CNTNAP2: variants seen among roughly 807,000 people sequenced by gnomAD.
CNTNAP2 encodes the protein contactin associated protein 2.
CNTNAP2 carries 98 observed loss-of-function variants against 155.2 expected under a neutral mutation model. That is an observed-to-expected ratio of 0.63 (90% CI 0.54 to 0.75). The LOEUF (loss-of-function observed/expected upper bound fraction) is 0.75, where lower values mean the gene tolerates loss of function less well. Among genes scored for constraint, CNTNAP2 ranks in the 30% least tolerant of loss-of-function variants. The pLI is 0.00. For synonymous variants in CNTNAP2, 651 were observed against 631.2 expected (o/e 1.03, Z -0.47); for missense variants, 1,727 against 1,688.1 (o/e 1.02, Z -0.40).
chr7:147,850,494 T>C (rs1436365436), intron 13 of CNTNAP2, among the ~76,000 whole-genome samples: 1 of 152,176 alleles, frequency 6.6e-6, no homozygotes, highest in South Asian at 2.1e-4. Context: ...GCTGGAGGCA[T>C]CACACTACCT....
chr7:147,225,934 AGAAG>A (rs1370706692), intron 8 of CNTNAP2, among the ~76,000 whole-genome samples: 4 of 129,258 alleles, frequency 3.1e-5, no homozygotes, highest in African/African-American at 1.1e-4. Flanking sequence ...AAGGAAGGAA[AGAAG>A]GAAGGAAAGG....
At chr7:148,363,089 C>A (rs1345956178) in intron 21 of CNTNAP2, among the ~76,000 whole-genome samples, 1 of 152,206 alleles carries the variant, frequency 6.6e-6, no homozygotes, top group Non-Finnish European at 1.5e-5. Context: ...TCAAGCGATT[C>A]TCCTGCCTCA....
chr7:147,902,798 G>GTA (rs1246701244), intron 13 of CNTNAP2, among the ~76,000 whole-genome samples: 11 of 132,850 alleles, frequency 8.3e-5, no homozygotes, highest in African/African-American at 3.0e-4. Flanking sequence ...GTGTGTGTGT[G>GTA]TGTGTGTGTG....
chr7:147,732,136 C>A (rs111961567), intron 13 of CNTNAP2, among the ~76,000 whole-genome samples: 61 of 151,724 alleles, frequency 4.0e-4, no homozygotes, highest in Non-Finnish European at 1.2e-4. Flanking sequence ...GTGCTGCACC[C>A]GTTAACTGGT....
intron 13 of CNTNAP2, among the ~76,000 whole-genome samples, chr7:147,899,331 C>A (rs574797882): frequency 6.6e-6 from 1 of 152,118 alleles, no homozygotes; most frequent in Admixed American, 6.6e-5. Flanking sequence ...CAGAGTGAGA[C>A]CCTGTCTTAA....
At chr7:146,724,096 A>G (rs1801386767) in intron 1 of CNTNAP2, among the ~76,000 whole-genome samples, 1 of 152,188 alleles carries the variant, frequency 6.6e-6, no homozygotes, top group Non-Finnish European at 1.5e-5. Context: ...TGAAAGTCAT[A>G]TGCAAGATAT....
chr7:148,228,781 T>A (rs888426305), intron 19 of CNTNAP2, among the ~76,000 whole-genome samples: 1 of 140,230 alleles, frequency 7.1e-6, no homozygotes, highest in African/African-American at 2.6e-5. Flanking sequence ...TGAGCCGAGA[T>A]CGCGCCACTG....
intron 15 of CNTNAP2, among the ~76,000 whole-genome samples, chr7:148,021,281 G>A (rs912360398): frequency 2.0e-5 from 3 of 152,114 alleles, no homozygotes; most frequent in Admixed American, 6.6e-5. Flanking sequence ...TGTCGGCCAC[G>A]TATTAGGGAC....
chr7:148,060,462 C>A (rs1047516256), intron 15 of CNTNAP2, among the ~76,000 whole-genome samples: 3 of 152,096 alleles, frequency 2.0e-5, no homozygotes, highest in Non-Finnish European at 4.4e-5. Context: ...TAAAATGGAA[C>A]ATTTTGCAAG....
chr7:146,435,651 G>T (rs1796233066), intron 1 of CNTNAP2, among the ~76,000 whole-genome samples: 1 of 152,140 alleles, frequency 6.6e-6, no homozygotes, highest in Admixed American at 6.5e-5. Flanking sequence ...ATATTATATA[G>T]GCACTTAGTA....
chr7:148,211,060 A>G (rs889924561), intron 18 of CNTNAP2, among the ~76,000 whole-genome samples: 12 of 152,240 alleles, frequency 7.9e-5, no homozygotes, highest in African/African-American at 2.2e-4. Context: ...GATGATGTCC[A>G]AGGTCCCCGG....
intron 17 of CNTNAP2, among the ~76,000 whole-genome samples, chr7:148,169,970 A>AT (rs1805748027): frequency 6.6e-6 from 1 of 152,022 alleles, no homozygotes; most frequent in South Asian, 2.1e-4. Flanking sequence ...AAAAAAAAAA[A>AT]GTTTCATGAT....
At chr7:148,185,529 C>T (rs1795103441) in intron 18 of CNTNAP2, among the ~76,000 whole-genome samples, 1 of 152,210 alleles carries the variant, frequency 6.6e-6, no homozygotes, top group African/African-American at 2.4e-5. Flanking sequence ...GCATCCTCTG[C>T]CCCGTTACCA....
rs191944283 is a variant in CNTNAP2, at chr7:147,511,387, T to C, written c.1777+25346T>C. ...TTCCACTATTTAATTCTTCATTTCT[T>C]TAAACAAGTTTTTTTCTTCCTCAAG... On this transcript the variant is annotated intron_variant, in intron 11 of 23. Coordinates refer to ENST00000361727, the MANE Select transcript of CNTNAP2 (RefSeq NM_014141.6). Among the ~76,000 whole-genome samples, 628 of 152,244 alleles carry C rather than the reference T, an allele frequency of 4.1e-3. 15 individuals carry two copies. The highest frequency in any genetic ancestry group is 0.036 in the Admixed American group (550 of 15,284).
intron 12 of CNTNAP2, among the ~76,000 whole-genome samples, chr7:147,589,469 C>T (rs988780275): frequency 2.0e-5 from 3 of 152,166 alleles, no homozygotes; most frequent in African/African-American, 7.2e-5. Flanking sequence ...TTCTCATTCC[C>T]CTTTCCTTCT....
intron 1 of CNTNAP2, among the ~76,000 whole-genome samples, chr7:146,457,152 T>C (rs1164442297): frequency 2.0e-5 from 3 of 152,050 alleles, no homozygotes; most frequent in Non-Finnish European, 4.4e-5. Flanking sequence ...CTAAATGCAA[T>C]GTCAAGTGGT....
chr7:148,331,741 A>G (rs1798025235), intron 21 of CNTNAP2, among the ~76,000 whole-genome samples: 1 of 150,818 alleles, frequency 6.6e-6, no homozygotes, highest in East Asian at 1.9e-4. Flanking sequence ...GATGGAGTGG[A>G]TGGATGGAAC....
At chr7:146,712,273 T>TACATATATGTATACATATCTTATGC (rs1563199218) in intron 1 of CNTNAP2, among the ~76,000 whole-genome samples, 1 of 129,012 alleles carries the variant, frequency 7.8e-6, no homozygotes, top group African/African-American at 3.3e-5. Context: ...ATATCTTATG[T>TACATATATGTATACATATCTTATGC]ATACATATAT....
chr7:147,923,974 T>G (rs1800333936), intron 14 of CNTNAP2, among the ~76,000 whole-genome samples: 1 of 152,210 alleles, frequency 6.6e-6, no homozygotes, highest in African/African-American at 2.4e-5. Flanking sequence ...GGAAATTTAA[T>G]GCATTCAGCA....
Sources: gnomAD v4.1 joint callset for allele counts (sites outside exome capture counted in the v4.1 genomes callset) on GRCh38, gnomAD v4.1.1 for gene constraint, MANE v1.5 for transcripts, NCBI Gene and HGNC (gene_info 2026-07-23, HGNC 2026-07-21) for gene names.